The following BRINP3 variants were observed in gnomAD, a reference collection of about 807,000 sequenced individuals.
The protein encoded by BRINP3 is BMP/retinoic acid-inducible neural-specific protein 3.
BRINP3 carries 19 observed loss-of-function variants against 71.0 expected under a neutral mutation model. That is an observed-to-expected ratio of 0.27 (90% CI 0.19 to 0.39). The LOEUF (loss-of-function observed/expected upper bound fraction) is 0.39. BRINP3 is among the 10% of genes least tolerant of loss of function. BRINP3 has a pLI of 1.00. For missense variants in BRINP3, 959 were observed against 940.8 expected, an observed-to-expected ratio of 1.02 and a Z score of -0.25; for synonymous variants, 380 against 337.7, an observed-to-expected ratio of 1.13 and a Z score of -1.37.
chr1:190,307,098 T>C (rs1308583438), intron 2 of BRINP3, among the ~76,000 whole-genome samples: 3 of 151,828 alleles, frequency 2.0e-5, no homozygotes, highest in Non-Finnish European at 4.4e-5. Context: ...CTTTACAGAT[T>C]TGGAAACAAA....
chr1:190,293,204 T>C (rs1310724279), intron 2 of BRINP3, among the ~76,000 whole-genome samples: 1 of 152,146 alleles, frequency 6.6e-6, no homozygotes, highest in Non-Finnish European at 1.5e-5. Flanking sequence ...TTCATATGTA[T>C]TGTTATGTTT....
At chr1:190,139,147 T>C (rs557903942) in intron 7 of BRINP3, among the ~76,000 whole-genome samples, 16 of 149,182 alleles carry the variant, frequency 1.1e-4, no homozygotes, top group Non-Finnish European at 2.1e-4. Flanking sequence ...GACCGCATCA[T>C]AGAAAAAAAA....
chr1:190,426,149 A>G (rs561937896), intron 2 of BRINP3, among the ~76,000 whole-genome samples: 1 of 151,952 alleles, frequency 6.6e-6, no homozygotes, highest in African/African-American at 2.4e-5. Context: ...ATGAAAAAAT[A>G]TATATCCAAA....
intron 2 of BRINP3, among the ~76,000 whole-genome samples, chr1:190,318,534 AG>A (rs1394980420): frequency 2.6e-5 from 4 of 152,156 alleles, no homozygotes; most frequent in Non-Finnish European, 5.9e-5. Context: ...ATGCACTTAT[AG>A]GCTAAAGCTT....
At chr1:190,189,647 CT>C (rs1239796693) in intron 6 of BRINP3, among the ~76,000 whole-genome samples, 5 of 151,952 alleles carry the variant, frequency 3.3e-5, no homozygotes, top group African/African-American at 1.2e-4. Context: ...ATTCTACTCA[CT>C]TTTTTTAATT....
At chr1:190,384,840 T>A (rs1360978531) in intron 2 of BRINP3, among the ~76,000 whole-genome samples, 2 of 151,906 alleles carry the variant, frequency 1.3e-5, no homozygotes, top group African/African-American at 4.8e-5. Flanking sequence ...TTTCTCAGAT[T>A]TATCATATAA....
rs756101416 is a variant in BRINP3, at chr1:190,098,074, A to C, written c.2245T>G (p.Phe749Val). The change falls in exon 8 of 8, where the codon TTT becomes GTT. Residue 749 changes from phenylalanine to valine, a missense_variant. By Grantham distance (50) the Phe-to-Val change is conservative. Transcript: ENST00000367462. ...VVRIQSALQA[F>V]NAKLPNTMDY... ...ATTGTGTTTGGCAATTTGGCATTAA[A>C]CGCCTGCAGAGCAGATTGGATCCTC... 6.2e-7 allele frequency: 1 copy of C among 1,613,876 alleles called. No homozygotes were observed.
rs760786984 is a variant in BRINP3 at position 190,264,970 on chromosome 1, C to A, written c.513G>T (p.Ser171=). The change falls in exon 4 of 8, where the codon TCG becomes TCT. Residue 171 remains serine (S), a synonymous_variant. Coordinates refer to ENST00000367462, the MANE Select transcript of BRINP3 (RefSeq NM_199051.3). ...GCTGATGTAGCGTCTCCAGAGTGAC[C>A]GAAGAGCTATTGGTGGTGGAATCAC... ...EGSDSTTNSS[S]VTLETLHQLA... is the part of the protein sequence containing the mutation. 1 of 1,611,788 alleles carries A rather than the reference C, an allele frequency of 6.2e-7. No homozygotes were observed. Among genetic ancestry groups the A allele is most frequent in the Non-Finnish European group, 8.5e-7 (1 of 1,179,200 alleles).
intron 7 of BRINP3, among the ~76,000 whole-genome samples, chr1:190,155,798 C>T (rs959227590): frequency 1.3e-5 from 2 of 151,988 alleles, no homozygotes; most frequent in Non-Finnish European, 2.9e-5. Flanking sequence ...TCTCTCTCTC[C>T]TCTGGGTGCC....
intron 7 of BRINP3, among the ~76,000 whole-genome samples, chr1:190,145,132 A>G (rs956511418): frequency 6.6e-6 from 1 of 152,058 alleles, no homozygotes; most frequent in Non-Finnish European, 1.5e-5. Flanking sequence ...ATTAACTCAT[A>G]ATTTCCAGGC....
chr1:190,265,610 A>G (rs1661591734), intron 3 of BRINP3, among the ~76,000 whole-genome samples: 1 of 150,554 alleles, frequency 6.6e-6, no homozygotes, highest in African/African-American at 2.4e-5. Flanking sequence ...GCTACTCCGG[A>G]GGCTGTGGCA....
intron 2 of BRINP3, among the ~76,000 whole-genome samples, chr1:190,301,186 T>C (rs1215510828): frequency 2.5e-5 from 2 of 80,570 alleles, no homozygotes; most frequent in African/African-American, 7.6e-5. Context: ...CATATATATA[T>C]GTATATATAT....
intron 2 of BRINP3, among the ~76,000 whole-genome samples, chr1:190,410,158 G>A (rs1231068714): frequency 1.3e-5 from 2 of 152,126 alleles, no homozygotes; most frequent in South Asian, 2.1e-4. Context: ...TATTGACCAG[G>A]ACTAGGTTAC....
intron 2 of BRINP3, among the ~76,000 whole-genome samples, chr1:190,347,525 T>G (rs1438490759): frequency 6.6e-6 from 1 of 152,178 alleles, no homozygotes; most frequent in African/African-American, 2.4e-5. Context: ...TGGACTAATC[T>G]GTTTCTCCAG....
At chr1:190,220,470 C>A (rs2102682563) in intron 6 of BRINP3, among the ~76,000 whole-genome samples, 1 of 152,028 alleles carries the variant, frequency 6.6e-6, no homozygotes, top group South Asian at 2.1e-4. Context: ...TAGCAAACCA[C>A]CATGGCCCGT....
At chr1:190,188,919 C>T (rs544411946) in intron 6 of BRINP3, among the ~76,000 whole-genome samples, 36 of 152,130 alleles carry the variant, frequency 2.4e-4, no homozygotes, top group Middle Eastern at 3.4e-3. Context: ...TCCCACAATG[C>T]CAGGCCAATT....
intron 2 of BRINP3, among the ~76,000 whole-genome samples, chr1:190,378,609 T>C (rs889394964): frequency 6.6e-6 from 1 of 152,248 alleles, no homozygotes; most frequent in African/African-American, 2.4e-5. Flanking sequence ...TTAATGTTTG[T>C]GTTTGTTTTT....
intron 2 of BRINP3, among the ~76,000 whole-genome samples, chr1:190,306,217 T>G (rs2103012015): frequency 6.6e-6 from 1 of 151,804 alleles, no homozygotes; most frequent in South Asian, 2.1e-4. Flanking sequence ...TTTCATAAAT[T>G]AGTGCTGTCC....
intron 2 of BRINP3, among the ~76,000 whole-genome samples, chr1:190,300,011 T>C (rs983783237): frequency 1.3e-5 from 2 of 152,076 alleles, no homozygotes; most frequent in Admixed American, 6.5e-5. Flanking sequence ...CTTTGGTGAA[T>C]CTGACAATTA....
Sources: gnomAD v4.1 joint callset for allele counts (sites outside exome capture counted in the v4.1 genomes callset) on GRCh38, gnomAD v4.1.1 for gene constraint, MANE v1.5 for transcripts, NCBI Gene and HGNC (gene_info 2026-07-23, HGNC 2026-07-21) for gene names.